ADGRB2: variants seen among roughly 807,000 people sequenced by gnomAD.
ADGRB2 encodes adhesion G protein-coupled receptor B2, also known as brain-specific angiogenesis inhibitor 2.
Under a neutral mutation model 178.7 loss-of-function variants are expected in ADGRB2, and 47 were observed. That is an observed-to-expected ratio of 0.26 (90% CI 0.21 to 0.34). The LOEUF (loss-of-function observed/expected upper bound fraction) is 0.34, where lower values mean the gene tolerates loss of function less well. ADGRB2 is among the 10% of genes least tolerant of loss of function. ADGRB2 has a pLI of 1.00. For synonymous variants in ADGRB2, 870 were observed against 912.4 expected, an observed-to-expected ratio of 0.95 and a Z score of 0.84; for missense variants, 1,584 against 2,180.8, an observed-to-expected ratio of 0.73 and a Z score of 5.45.
Position 31,737,690 on chromosome 1 carries a change from C to G in ADGRB2, c.2838G>C (p.Ala946=), listed in dbSNP as rs772664483. Residue 946 remains alanine, a synonymous_variant, in exon 19 of 33, where the codon GCG becomes GCC. Coordinates refer to ENST00000373658, the MANE Select transcript of ADGRB2 (RefSeq NM_001364857.2). ...LVIGCAVSCM[A]LLTLLAIYAA... ...CATAGATGGCGAGCAGGGTGAGCAG[C>G]GCCATGCACGACACTGCACAGCCGA... The G allele has an allele frequency of 4.3e-6, 7 of 1,613,730 alleles. No homozygotes were observed. Among genetic ancestry groups the G allele is most frequent in the Non-Finnish European group, 5.9e-6 (7 of 1,180,012 alleles).
rs61744251 is a variant in ADGRB2, at chr1:31,730,983, C to T, written c.4197G>A (p.Leu1399=). The part of the protein sequence containing the change: ...VAHTEGYPSF[L]SVDHSGLGLG... Reference sequence around the variant, plus strand: ...GCCCCAGGCCCGAGTGGTCCACGGACAGGAAGCTGGGGTAGCCTTCAGTGT... The same window carrying T: ...GCCCCAGGCCCGAGTGGTCCACGGATAGGAAGCTGGGGTAGCCTTCAGTGT... The change falls in exon 29 of 33, where the codon CTG becomes CTA. Residue 1399 remains leucine (L), a synonymous_variant. Transcript: ENST00000373658. 3.9e-3 allele frequency: 6,161 copies of T among 1,566,260 alleles called. 183 individuals are homozygous for T. The African/African-American group carries it at 0.072, about 18-fold the overall frequency.
rs1436681528 is a variant in ADGRB2, at chr1:31,742,949, C to T, written c.1141G>A (p.Gly381Arg). The T allele has an allele frequency of 6.5e-7, 1 of 1,539,132 alleles. No individual in the cohort carries two copies. The highest frequency in any genetic ancestry group is 8.8e-7 in the Non-Finnish European group (1 of 1,142,476). ...GSWSLCSRSC[G>R]RGSRSRMRTC... Reference sequence around the variant, plus strand: ...CGCATCCGGCTCCGGGACCCCCGCCCGCAGCTGCGGGAGCACAGGCTCCAG... The same window carrying T: ...CGCATCCGGCTCCGGGACCCCCGCCTGCAGCTGCGGGAGCACAGGCTCCAG... Residue 381 changes from glycine to arginine, a missense_variant, in exon 7 of 33, where the codon GGG becomes AGG. By Grantham distance (125) the Gly-to-Arg change is moderately radical. This residue lies in a region of ADGRB2 where 657 missense variants were observed against 847.6 expected (regional missense o/e 0.78). Coordinates refer to ENST00000373658, the MANE Select transcript of ADGRB2 (RefSeq NM_001364857.2).
Position 31,728,266 on chromosome 1 carries a change from G to C in ADGRB2, c.4431C>G (p.Thr1477=), listed in dbSNP as rs754839412. The part of the protein sequence containing the change: ...SDLDFEKVMH[T]RKRHSELYHE... ...GGTAGAGTTCTGAATGCCGTTTCCG[G>C]GTGTGCATCACCTTCTAGGGGCCAC... is the stretch of plus-strand genomic sequence containing the variant. Residue 1477 remains threonine (T), a synonymous_variant, in exon 31 of 33, where the codon ACC becomes ACG. Transcript: ENST00000373658. The surrounding 1 kb of genome is among the most constrained non-coding windows in gnomAD (Gnocchi z 6.7). The C allele has an allele frequency of 1.2e-6, 2 of 1,613,946 alleles. No homozygotes were observed.
Position 31,742,130 on chromosome 1 carries a change from C to G in ADGRB2, c.1340G>C (p.Ser447Thr). 6.2e-7 allele frequency: 1 copy of G among 1,613,566 alleles called. No homozygotes were observed. The highest frequency in any genetic ancestry group is 8.5e-7 in the Non-Finnish European group (1 of 1,179,940). The change falls in exon 8 of 33, where the codon AGC (serine) becomes ACC (threonine). Residue 447 changes from serine (S) to threonine (T), a missense_variant. Around this residue, in one of 3 missense-constraint regions of ADGRB2, gnomAD observed 657 missense variants for 847.6 expected, o/e 0.78. Coordinates refer to ENST00000373658, the MANE Select transcript of ADGRB2 (RefSeq NM_001364857.2). ...TGTGGCCCAGGCTGGGCCCGCCACG[C>G]TGCACTTCCGGCTGCGCTGTTGGGT... Reference protein sequence around the residue: ...NGTQQRSRKCSVAGPAWATCT... With the variant: ...NGTQQRSRKCTVAGPAWATCT...
rs146415162 is a variant in ADGRB2, at chr1:31,740,014, G to A, written c.2079C>T (p.His693=). ...TGAAGTCCTCCACGACACGGAGCAG[G>A]TGCACAGAGCCAGGGGACACCTGGG... The part of the protein sequence containing the change: ...DAQQVSPGSV[H]LLRVVEDFIH... Residue 693 remains histidine, a synonymous_variant, in exon 14 of 33, where the codon CAC becomes CAT. Transcript: ENST00000373658. This position sits in a 1 kb window ranked among gnomAD's most constrained non-coding sequence, Gnocchi z 5.9. The A allele has an allele frequency of 1.9e-6, 3 of 1,614,200 alleles. No homozygotes were observed. The highest frequency in any genetic ancestry group is 3.3e-5 in the Admixed American group (2 of 60,028).
In ADGRB2 at chr1:31,742,189, G is replaced by A. The variant is rs560407669; in HGVS notation, c.1281C>T (p.Pro427=). ...PVEGQWLEWG[P]WGPCSTSCAN... ...CACAGGACGTGGAGCATGGGCCCCA[G>A]GGACCCCATTCTAACCACTGGCCTT... The change falls in exon 8 of 33, where the codon CCC becomes CCT. Residue 427 remains proline (P), a synonymous_variant. Transcript: ENST00000373658. The A allele has an allele frequency of 3.7e-6, 6 of 1,610,720 alleles. No homozygotes were observed. The highest frequency in any genetic ancestry group is 1.7e-4 in the Middle Eastern group (1 of 6,050).
In ADGRB2 at chr1:31,730,792, C is replaced by T; in HGVS notation, c.4380+8G>A. The T allele has an allele frequency of 6.7e-7, 1 of 1,496,116 alleles. No individual in the cohort carries two copies. Among genetic ancestry groups the T allele is most frequent in the East Asian group, 2.3e-5 (1 of 43,020 alleles). The allele number at this position is 1,496,116 out of a possible 1,614,324, so 92.7% of individuals were successfully genotyped here. ...CAGACACACACCCCATTCCCTACAG[C>T]CCCTCACCTCCAGGGAGCCCATCTT... On this transcript the variant is annotated splice_region_variant and intron_variant, in intron 29 of 32. Coordinates refer to ENST00000373658, the MANE Select transcript of ADGRB2 (RefSeq NM_001364857.2).
At chr1:31,742,405 G>GCTGC (rs904006576) in intron 7 of ADGRB2, among the ~76,000 whole-genome samples, 188 bp from the exon 8 acceptor site, 1 of 152,182 alleles carries the variant, frequency 6.6e-6, no homozygotes, top group Non-Finnish European at 1.5e-5. Flanking sequence ...TGGGCCTCAT[G>GCTGC]CTGCCTGCCT....
Position 31,741,559 on chromosome 1 carries a change from G to T in ADGRB2, c.1687+65C>A. ...TCCTCCGTATCTCAGAGAGGCTGGGGGCGCAGAAGGGGGCAATGAGAATGG... is the reference window on the plus strand; with the variant it reads ...TCCTCCGTATCTCAGAGAGGCTGGGTGCGCAGAAGGGGGCAATGAGAATGG... On this transcript the variant is annotated intron_variant, in intron 10 of 32. Coordinates refer to ENST00000373658, the MANE Select transcript of ADGRB2 (RefSeq NM_001364857.2). This position sits in a 1 kb window ranked among gnomAD's most constrained non-coding sequence, Gnocchi z 6.5. 1 of 1,596,838 alleles carries T rather than the reference G, an allele frequency of 6.3e-7. No homozygotes were observed.
In ADGRB2 at chr1:31,730,841, G is replaced by A. The variant is rs768509560; in HGVS notation, c.4339C>T (p.Arg1447Cys). 9.2e-6 allele frequency: 14 copies of A among 1,526,868 alleles called. No homozygotes were observed. Among genetic ancestry groups the A allele is most frequent in the Non-Finnish European group, 1.1e-5 (12 of 1,138,826 alleles). 94.6% of individuals were successfully genotyped at this position (1,526,868 alleles called of 1,614,324 possible). A position where few individuals can be genotyped will look rare whatever the true frequency, so the allele number is the denominator to read the frequency against. Residue 1447 changes from arginine to cysteine, a missense_variant, in exon 29 of 33, where the codon CGC becomes TGC. Arg to Cys is a radical substitution (Grantham distance 180). Transcript: ENST00000373658. Reference sequence around the variant, plus strand: ...TTCATGGTAGAGCCGGGCACGGTGCGAGGCATGGTCCGGCTGCGCTCCCCT... The same window carrying A: ...TTCATGGTAGAGCCGGGCACGGTGCAAGGCATGGTCCGGCTGCGCTCCCCT... ...EPGERSRTMP[R>C]TVPGSTMKMG... is the part of the protein sequence containing the mutation.
intron 1 of ADGRB2, among the ~76,000 whole-genome samples, chr1:31,762,391 T>C (rs1390538736): frequency 4.0e-5 from 6 of 151,846 alleles, no homozygotes; most frequent in Admixed American, 3.3e-4. Flanking sequence ...TCAGGTGGAT[T>C]CCCCCACAAC....
intron 14 of ADGRB2, 100 bp from the exon 15 acceptor site, chr1:31,739,735 A>G (rs1645831041): frequency 8.7e-6 from 12 of 1,380,766 alleles, no homozygotes; most frequent in Non-Finnish European, 1.2e-5. Flanking sequence ...CGTACCAGGA[A>G]AGGTAGATGT....
rs770655273 is a variant in ADGRB2 at position 31,728,322 on chromosome 1, C to T, written c.4417-42G>A. 7 of 1,587,048 alleles carry T rather than the reference C, an allele frequency of 4.4e-6. No homozygotes were observed. Among genetic ancestry groups the T allele is most frequent in the South Asian group, 2.2e-5 (2 of 90,016 alleles). On this transcript the variant is annotated intron_variant, in intron 30 of 32. Transcript: ENST00000373658. This position sits in a 1 kb window ranked among gnomAD's most constrained non-coding sequence, Gnocchi z 6.7. ...ATCAGAGGGTCGCTCCCCGGGGCAG[C>T]ACCATGATCCCCCCTACCCAGGGCA...
rs909001 is a variant in ADGRB2, at chr1:31,731,046, C to A, written c.4134G>T (p.Pro1378=). 2.0e-5 allele frequency: 32 copies of A among 1,584,176 alleles called. No individual in the cohort carries two copies. In the South Asian group the frequency reaches 2.4e-4, roughly 12 times the overall value. The change falls in exon 29 of 33, where the codon CCG becomes CCT. Residue 1378 remains proline, a synonymous_variant. Coordinates refer to ENST00000373658, the MANE Select transcript of ADGRB2 (RefSeq NM_001364857.2). ...GGGEDAPRAR[P]EGTPRRAAKT... is the part of the protein sequence containing the mutation. The stretch of plus-strand genomic sequence containing the variant: ...TGGCAGCTCGCCGGGGGGTCCCCTC[C>A]GGCCGGGCCCTGGGGGCATCCTCAC...
At chr1:31,742,493 G>A (rs1424030276) in intron 7 of ADGRB2, among the ~76,000 whole-genome samples, 1 of 152,214 alleles carries the variant, frequency 6.6e-6, no homozygotes, top group Non-Finnish European at 1.5e-5. Context: ...GGAAGGGGCT[G>A]CAGGGGTGTC....
chr1:31,731,487 G>A (rs916914446), intron 28 of ADGRB2, 68 bp from the exon 29 acceptor site: 7 of 1,507,572 alleles, frequency 4.6e-6, no homozygotes, highest in Non-Finnish European at 6.2e-6. Context: ...CCATTGCCCA[G>A]GCTGGGGAGG....
chr1:31,735,486 C>T lies in ADGRB2; in HGVS notation c.3353+94G>A, dbSNP rs751195793. ...TGCACCAAGGTTGGGGAGCCCCGGTCGCATCATCGAGCCCTGAGTCTCCAA... is the reference window on the plus strand; with the variant it reads ...TGCACCAAGGTTGGGGAGCCCCGGTTGCATCATCGAGCCCTGAGTCTCCAA... On this transcript the variant is annotated intron_variant, in intron 24 of 32. Coordinates refer to ENST00000373658, the MANE Select transcript of ADGRB2 (RefSeq NM_001364857.2). The surrounding 1 kb of genome is among the most constrained non-coding windows in gnomAD (Gnocchi z 6.0). 1.2e-5 allele frequency: 17 copies of T among 1,470,154 alleles called. No individual in the cohort carries two copies. The East Asian group carries it at 1.7e-4, about 15-fold the overall frequency. 91.1% of individuals were successfully genotyped at this position (1,470,154 alleles called of 1,614,324 possible).
chr1:31,727,960 A>G lies in ADGRB2; in HGVS notation c.4572+65T>C. On this transcript the variant is annotated intron_variant, in intron 32 of 32. Transcript: ENST00000373658. The surrounding 1 kb of genome is among the most constrained non-coding windows in gnomAD (Gnocchi z 4.4). Reference sequence around the variant, plus strand: ...CAGGCTGGGGTTGCCTGGGAGGGGCAGGAGGGCAGGGAGGGCACGGGTCCC... The same window carrying G: ...CAGGCTGGGGTTGCCTGGGAGGGGCGGGAGGGCAGGGAGGGCACGGGTCCC... 6.7e-7 allele frequency: 1 copy of G among 1,499,396 alleles called. No individual in the cohort carries two copies. Among genetic ancestry groups the G allele is most frequent in the South Asian group, 1.3e-5 (1 of 79,086 alleles). 92.9% of individuals were successfully genotyped at this position (1,499,396 alleles called of 1,614,324 possible).
chr1:31,740,895 GCACACACACACA>G lies in ADGRB2; in HGVS notation c.1795-366_1795-355del, dbSNP rs145689822. ...AATGAGCATGTGTGTGGGCGCGCGCGCACACACACACACACACACACACACACACACTGTCTT... is the reference window on the plus strand; with the variant it reads ...AATGAGCATGTGTGTGGGCGCGCGCGCACACACACACACACACACTGTCTT... On this transcript the variant is annotated intron_variant, in intron 11 of 32. Coordinates refer to ENST00000373658, the MANE Select transcript of ADGRB2 (RefSeq NM_001364857.2). This position sits in a 1 kb window ranked among gnomAD's most constrained non-coding sequence, Gnocchi z 5.9. Among the ~76,000 whole-genome samples, 9 of 140,482 alleles carry G rather than the reference GCACACACACACA, an allele frequency of 6.4e-5. No individual in the cohort carries two copies. The South Asian group carries it at 1.2e-3, about 18-fold the overall frequency. 92.2% of individuals were successfully genotyped at this position (140,482 alleles called of 152,430 possible). A position where few individuals can be genotyped will look rare whatever the true frequency, so the allele number is the denominator to read the frequency against.
Sources: allele counts gnomAD v4.1 joint callset (sites outside exome capture counted in the v4.1 genomes callset), GRCh38; gene constraint gnomAD v4.1.1; regional missense constraint gnomAD v4.1.1; non-coding constraint Gnocchi (gnomAD v3.1); transcripts MANE v1.5; gene names NCBI Gene and HGNC (gene_info 2026-07-23, HGNC 2026-07-21).